The following IFT122 variants were observed in gnomAD, a reference collection of about 807,000 sequenced individuals.
IFT122 encodes intraflagellar transport 122.
Under a neutral mutation model 161.6 loss-of-function variants are expected in IFT122, and 118 were observed. That is an observed-to-expected ratio of 0.73 (90% confidence interval 0.63 to 0.85). IFT122 has a LOEUF of 0.85. Ranked by LOEUF, IFT122 falls within the 40% of genes least tolerant of loss-of-function variation. The pLI is 0.00. For missense variants in IFT122, 1,381 were observed against 1,579.6 expected (o/e 0.87, Z 2.13); for synonymous variants, 550 against 602.4 (o/e 0.91, Z 1.27).
chr3:129,449,766 T>TACAC (rs1182067873), intron 1 of IFT122, 105 bp from the exon 2 acceptor site: 6 of 822,236 alleles, frequency 7.3e-6, no homozygotes, highest in Non-Finnish European at 1.1e-5. Flanking sequence ...TTCTCCTCAG[T>TACAC]ACACACACAG....
At chr3:129,468,730 A>G (rs540334278) in intron 8 of IFT122, among the ~76,000 whole-genome samples, 1 of 152,312 alleles carries the variant, frequency 6.6e-6, no homozygotes, top group South Asian at 2.1e-4. Flanking sequence ...CTACAGTCCC[A>G]GCCCCACAGC....
In IFT122 at chr3:129,520,368, A is replaced by C. The variant is rs547332856; in HGVS notation, c.*103A>C. 1 of 972,566 alleles carries C rather than the reference A, an allele frequency of 1.0e-6. No individual in the cohort carries two copies. The highest frequency in any genetic ancestry group is 1.6e-6 in the Non-Finnish European group (1 of 631,834). The allele number at this position is 972,566 out of a possible 1,614,324, so 60.2% of individuals were successfully genotyped here. ...CTGTCAGAATGTGTTTCTTGCCCAG[A>C]TGAAGTTTGTGTTTTGTGGGGGGGG... On this transcript the variant is annotated 3_prime_UTR_variant, in exon 30 of 30. Transcript: ENST00000348417.
At chr3:129,477,471 A>ATGAG (rs1264068084) in intron 11 of IFT122, among the ~76,000 whole-genome samples, 2 of 152,138 alleles carry the variant, frequency 1.3e-5, no homozygotes, top group Non-Finnish European at 2.9e-5. Context: ...GTAGATTCAG[A>ATGAG]TGAGTGTCCT....
chr3:129,514,232 C>A, intron 24 of IFT122, 157 bp from the exon 25 acceptor site: 1 of 793,798 alleles, frequency 1.3e-6, no homozygotes, highest in Non-Finnish European at 2.2e-6. Flanking sequence ...AGTACACTCA[C>A]CTCTCACAAG....
At position 129,506,554 on chromosome 3, in the gene IFT122, G is replaced by A. The variant is rs1416981664; in HGVS notation, c.2791+5G>A. 1.2e-6 allele frequency: 2 copies of A among 1,614,202 alleles called. No homozygotes were observed. Among genetic ancestry groups the A allele is most frequent in the Non-Finnish European group, 1.7e-6 (2 of 1,180,036 alleles). On this transcript the variant is annotated splice_donor_5th_base_variant and intron_variant, in intron 22 of 29. Transcript: ENST00000348417. ...AGTGCCTCGATATAGCTCAAGGTGT[G>A]TAAACATCAGCCAGACCACTGTTTT...
chr3:129,483,925 G>A (rs2078966860), intron 15 of IFT122: 3 of 569,170 alleles, frequency 5.3e-6, no homozygotes, highest in South Asian at 1.9e-5. Context: ...CCTTTCTGTA[G>A]GGATGGGAGG....
intron 1 of IFT122, among the ~76,000 whole-genome samples, chr3:129,445,827 C>G (rs982015421): frequency 3.9e-5 from 6 of 152,178 alleles, no homozygotes; most frequent in Non-Finnish European, 8.8e-5. Context: ...ATTTTAAGAG[C>G]TCAGCAGGTG....
intron 26 of IFT122, among the ~76,000 whole-genome samples, chr3:129,516,694 GCACACACACA>G (rs771398986): frequency 0.021 from 1,047 of 50,184 alleles, 46 homozygotes; most frequent in African/African-American, 0.096. Flanking sequence ...GATTGCTCCT[GCACACACACA>G]CACACACACA....
chr3:129,464,413 G>A lies in IFT122; in HGVS notation c.417-222G>A, dbSNP rs556426424. On this transcript the variant is annotated intron_variant, in intron 6 of 29. Transcript: ENST00000348417. ...GAGGGCTGGGGGAGCTCAGAAAAAGGCACCAAATGGTGCCTTCACTTCTCA... is the reference window on the plus strand; with the variant it reads ...GAGGGCTGGGGGAGCTCAGAAAAAGACACCAAATGGTGCCTTCACTTCTCA... Among the ~76,000 whole-genome samples, 119 of 152,320 alleles carry A rather than the reference G, an allele frequency of 7.8e-4. 1 individual carries two copies. Among genetic ancestry groups the A allele is most frequent in the Admixed American group, 1.4e-3 (21 of 15,304 alleles).
chr3:129,483,402 A>T, intron 14 of IFT122, 83 bp from the exon 15 acceptor site: 1 of 1,142,858 alleles, frequency 8.7e-7, no homozygotes, highest in Non-Finnish European at 1.3e-6. Context: ...TTCAGTCTTT[A>T]AGAGGGTATT....
At chr3:129,517,268 G>GCGCGCGCGCGCGCGCGCACACACACACA (rs1553776447) in intron 26 of IFT122, among the ~76,000 whole-genome samples, 1 of 117,004 alleles carries the variant, frequency 8.5e-6, no homozygotes, top group African/African-American at 3.2e-5. Context: ...CATTGCTCCT[G>GCGCGCGCGCGCGCGCGCACACACACACA]CACACACACA....
At chr3:129,478,397 G>A (rs906894412) in intron 12 of IFT122, among the ~76,000 whole-genome samples, 179 bp downstream of exon 12, 5 of 152,124 alleles carry the variant, frequency 3.3e-5, no homozygotes, top group Admixed American at 3.3e-4. Context: ...GACTCTATCA[G>A]CAAGTCATGA....
chr3:129,477,561 G>A (rs1015547449), intron 11 of IFT122, among the ~76,000 whole-genome samples: 1 of 152,206 alleles, frequency 6.6e-6, no homozygotes, highest in African/African-American at 2.4e-5. Context: ...CAGCTTCACA[G>A]TGTCCCCCTT....
chr3:129,500,557 CA>C (rs2081399907), intron 19 of IFT122, among the ~76,000 whole-genome samples: 1 of 152,186 alleles, frequency 6.6e-6, no homozygotes, highest in East Asian at 1.9e-4. Context: ...AAACAAGTTC[CA>C]AATCCATCAG....
chr3:129,506,279 C>A (rs1377688780), intron 21 of IFT122, 130 bp from the exon 22 acceptor site: 2 of 999,196 alleles, frequency 2.0e-6, no homozygotes, highest in Non-Finnish European at 3.1e-6. Flanking sequence ...AGCAACGAAG[C>A]ACTGCAGATG....
intron 23 of IFT122, 23 bp downstream of exon 23, chr3:129,507,785 A>T: frequency 6.4e-7 from 1 of 1,551,058 alleles, no homozygotes; most frequent in South Asian, 1.1e-5. Context: ...GGTCACCAGC[A>T]CCTGAGGGTA....
At chr3:129,444,583 G>A (rs958988724) in intron 1 of IFT122, among the ~76,000 whole-genome samples, 4 of 151,780 alleles carry the variant, frequency 2.6e-5, no homozygotes, top group Non-Finnish European at 5.9e-5. Flanking sequence ...GTGCAGTGGC[G>A]CAATCTCGGC....
chr3:129,502,954 G>C, intron 20 of IFT122, 72 bp downstream of exon 20: 1 of 1,460,546 alleles, frequency 6.8e-7, no homozygotes, highest in Non-Finnish European at 9.4e-7. Context: ...GGGTACAGGG[G>C]CCCTTTGGGG....
chr3:129,447,799 C>T (rs934984968), intron 1 of IFT122, among the ~76,000 whole-genome samples: 5 of 152,152 alleles, frequency 3.3e-5, no homozygotes, highest in East Asian at 3.9e-4. Context: ...GCATGAGCAC[C>T]GCACCCAGCC....
Sources: allele counts gnomAD v4.1 joint callset (sites outside exome capture counted in the v4.1 genomes callset), GRCh38; gene constraint gnomAD v4.1.1; transcripts MANE v1.5; gene names NCBI Gene and HGNC (gene_info 2026-07-23, HGNC 2026-07-21).